IL1RAPL1: variants seen among roughly 807,000 people sequenced by gnomAD.
IL1RAPL1 encodes the protein interleukin 1 receptor accessory protein like 1.
Under a neutral mutation model 48.4 loss-of-function variants are expected in IL1RAPL1, and 3 were observed. The ratio of observed to expected loss-of-function variants is 0.06; its 90% confidence interval spans 0.03 to 0.16. IL1RAPL1 has a LOEUF of 0.16. IL1RAPL1 is among the 10% of genes least tolerant of loss of function. The probability of loss-of-function intolerance (pLI) is 1.00; values close to 1 mark genes in which losing one functional copy is unlikely to be tolerated. For synonymous variants in IL1RAPL1, 185 were observed against 187.7 expected (o/e 0.99, Z 0.12); for missense variants, 349 against 530.6 (o/e 0.66, Z 3.36).
At chrX:29,486,635 AAAG>A (rs1341415785) in intron 5 of IL1RAPL1, among the ~76,000 whole-genome samples, 4 of 102,380 alleles carry the variant, frequency 3.9e-5, no homozygotes, top group Admixed American at 1.0e-4. Flanking sequence ...AAAAAAAAAA[AAAG>A]CTCGTGGTCT....
At chrX:29,537,451 A>G (rs1460916775) in intron 5 of IL1RAPL1, among the ~76,000 whole-genome samples, 5 of 110,451 alleles carry the variant, frequency 4.5e-5, no homozygotes, top group African/African-American at 9.9e-5. Flanking sequence ...TTGGAACAAT[A>G]TAAGGAAGGA....
intron 6 of IL1RAPL1, among the ~76,000 whole-genome samples, chrX:29,683,993 T>A (rs929171302): frequency 2.7e-5 from 3 of 111,758 alleles, no homozygotes; most frequent in African/African-American, 9.8e-5. Flanking sequence ...TAAAATAACT[T>A]AAAGAGTGTA....
intron 5 of IL1RAPL1, among the ~76,000 whole-genome samples, chrX:29,594,827 C>T (rs1355744694): frequency 1.8e-5 from 2 of 111,220 alleles, no homozygotes; most frequent in African/African-American, 3.3e-5. Flanking sequence ...TTTTGATGCA[C>T]CCATCACCTG....
intron 1 of IL1RAPL1, among the ~76,000 whole-genome samples, chrX:28,615,214 T>G (rs201259259): frequency 1.4e-4 from 8 of 58,960 alleles, no homozygotes; most frequent in Non-Finnish European, 1.1e-4. Context: ...TTTTTTTTTT[T>G]TTTTTTTTTT....
At chrX:28,948,502 G>A (rs1433508772) in intron 2 of IL1RAPL1, among the ~76,000 whole-genome samples, 4 of 110,828 alleles carry the variant, frequency 3.6e-5, no homozygotes, top group Non-Finnish European at 5.7e-5. Flanking sequence ...TTGAATTCCC[G>A]GACAGATGTG....
In IL1RAPL1 at chrX:28,682,281, T is replaced by G. The variant is rs773774490; in HGVS notation, c.-25+94234T>G. Among the ~76,000 whole-genome samples, 260 of 108,819 alleles carry G rather than the reference T, an allele frequency of 2.4e-3. 1 individual carries two copies. Among genetic ancestry groups the G allele is most frequent in the South Asian group, 7.8e-3 (20 of 2,548 alleles). 94.5% of individuals were successfully genotyped at this position (108,819 alleles called of 115,157 possible). The stretch of plus-strand genomic sequence containing the variant: ...GTATAAGTACCTATTTTCAATTCTG[T>G]TTTTTTTTGTTATTGTTTTTGTTTG... On this transcript the variant is annotated intron_variant, in intron 1 of 10. Coordinates refer to ENST00000378993, the MANE Select transcript of IL1RAPL1 (RefSeq NM_014271.4).
chrX:28,710,311 A>G (rs1363304216), intron 1 of IL1RAPL1, among the ~76,000 whole-genome samples: 1 of 108,790 alleles, frequency 9.2e-6, no homozygotes, highest in South Asian at 4.2e-4. Context: ...TCAGTGCATG[A>G]AAAAATAAAA....
intron 5 of IL1RAPL1, among the ~76,000 whole-genome samples, chrX:29,607,339 A>G (rs1246362286): frequency 8.9e-6 from 1 of 111,989 alleles, no homozygotes; most frequent in Non-Finnish European, 1.9e-5. Flanking sequence ...GTAAGTCATG[A>G]CACACTGTAA....
intron 5 of IL1RAPL1, among the ~76,000 whole-genome samples, chrX:29,508,578 C>A (rs764066012): frequency 3.6e-5 from 4 of 111,722 alleles, no homozygotes; most frequent in Non-Finnish European, 3.8e-5. Flanking sequence ...TTTACATTGT[C>A]TATATAAATT....
At chrX:29,704,504 A>C (rs1927139686) in intron 6 of IL1RAPL1, among the ~76,000 whole-genome samples, 1 of 110,177 alleles carries the variant, frequency 9.1e-6, no homozygotes, top group Non-Finnish European at 1.9e-5. Context: ...CCCTGTCTTT[A>C]CTAAAAATAC....
intron 2 of IL1RAPL1, among the ~76,000 whole-genome samples, chrX:29,087,134 A>ATTTTTT (rs34132994): frequency 1.2e-5 from 1 of 84,699 alleles, no homozygotes; most frequent in Non-Finnish European, 2.2e-5. Flanking sequence ...TTATTTAAAA[A>ATTTTTT]TTTTTTTTTT....
chrX:28,802,727 A>T (rs1250831154), intron 2 of IL1RAPL1, among the ~76,000 whole-genome samples: 1 of 112,157 alleles, frequency 8.9e-6, no homozygotes, highest in East Asian at 2.8e-4. Context: ...ATATATTGTC[A>T]TATCAGAAAA....
At chrX:29,252,940 G>A (rs981184467) in intron 2 of IL1RAPL1, among the ~76,000 whole-genome samples, 7 of 110,533 alleles carry the variant, frequency 6.3e-5, no homozygotes, top group South Asian at 3.8e-4. Context: ...ATGTTTTCTC[G>A]TGTCTATAAC....
intron 3 of IL1RAPL1, among the ~76,000 whole-genome samples, chrX:29,363,628 G>A (rs2147660862): frequency 9.0e-6 from 1 of 111,483 alleles, no homozygotes; most frequent in South Asian, 3.9e-4. Context: ...GATTTTGCAG[G>A]CTGGACAGGA....
chrX:29,348,805 A>G (rs1032644344), intron 3 of IL1RAPL1, among the ~76,000 whole-genome samples: 33 of 111,941 alleles, frequency 2.9e-4, no homozygotes, highest in Non-Finnish European at 5.8e-4. Flanking sequence ...GATATTTGGG[A>G]GCTTTAGTCT....
intron 2 of IL1RAPL1, among the ~76,000 whole-genome samples, chrX:28,997,187 CAT>C (rs1448522949): frequency 9.0e-6 from 1 of 111,336 alleles, no homozygotes; most frequent in East Asian, 2.8e-4. Flanking sequence ...CTCTAAAAAA[CAT>C]ACATGAAAAA....
At chrX:29,702,700 A>T (rs1383586963) in intron 6 of IL1RAPL1, among the ~76,000 whole-genome samples, 4 of 112,286 alleles carry the variant, frequency 3.6e-5, no homozygotes, top group African/African-American at 9.7e-5. Flanking sequence ...GCATGGAATC[A>T]TGGGAATTTC....
intron 7 of IL1RAPL1, among the ~76,000 whole-genome samples, chrX:29,917,959 C>A (rs1932811805): frequency 9.8e-6 from 1 of 101,847 alleles, no homozygotes; most frequent in Non-Finnish European, 2.0e-5. Context: ...GTTGTCTCTA[C>A]TAAAAATACA....
chrX:28,995,557 T>A (rs1047680788), intron 2 of IL1RAPL1, among the ~76,000 whole-genome samples: 1 of 111,562 alleles, frequency 9.0e-6, no homozygotes, highest in Non-Finnish European at 1.9e-5. Flanking sequence ...TCATTTAGGA[T>A]CTCTGAACTA....
Sources: allele counts gnomAD v4.1 joint callset (sites outside exome capture counted in the v4.1 genomes callset), GRCh38; gene constraint gnomAD v4.1.1; transcripts MANE v1.5; gene names NCBI Gene and HGNC (gene_info 2026-07-23, HGNC 2026-07-21).